The following LETM1 variants were observed in gnomAD, a reference collection of about 807,000 sequenced individuals.
The protein encoded by LETM1 is leucine zipper and EF-hand containing transmembrane protein 1, also known as mitochondrial proton/calcium exchanger protein.
Under a neutral mutation model 74.5 loss-of-function variants are expected in LETM1, and 50 were observed. The ratio of observed to expected loss-of-function variants is 0.67; its 90% CI spans 0.53 to 0.85. LETM1 has a LOEUF of 0.85. Among genes scored for constraint, LETM1 ranks in the 40% least tolerant of loss-of-function variants. The pLI, the probability that LETM1 is intolerant of heterozygous loss-of-function variation, is 0.00. For synonymous variants in LETM1, 446 were observed against 407.1 expected, an observed-to-expected ratio of 1.10 and a Z score of -1.15; for missense variants, 824 against 967.8, an observed-to-expected ratio of 0.85 and a Z score of 1.97.
At chr4:1,819,176 A>G (rs1412664152) in intron 11 of LETM1, among the ~76,000 whole-genome samples, 162 bp downstream of exon 11, 5 of 152,144 alleles carry the variant, frequency 3.3e-5, no homozygotes, top group African/African-American at 1.2e-4. Flanking sequence ...TGGCTGTGGA[A>G]AGGTTACTGA....
intron 1 of LETM1, among the ~76,000 whole-genome samples, chr4:1,851,417 C>T (rs916789570): frequency 1.3e-5 from 2 of 152,178 alleles, no homozygotes; most frequent in Non-Finnish European, 2.9e-5. Flanking sequence ...ACTGACCCTG[C>T]TCCTAGTGGA....
intron 13 of LETM1, among the ~76,000 whole-genome samples, chr4:1,815,383 C>A (rs1256564621): frequency 6.6e-6 from 1 of 152,242 alleles, no homozygotes; most frequent in Non-Finnish European, 1.5e-5. Context: ...ACCCCCCCGG[C>A]TCCCCAGTGC....
At position 1,836,545 on chromosome 4, in the gene LETM1, G is replaced by A. The variant is rs1712468150; in HGVS notation, c.622C>T (p.Arg208Cys). ...ACGAACACAAGGAACGGCACCAGGC[G>A]GAAGAGGTCAGCGCAGATCCGGAGA... ...QFLRICADLF[R>C]LVPFLVFVVV... is the part of the protein sequence containing the mutation. The change falls in exon 4 of 14, where the codon CGC becomes TGC. Residue 208 changes from arginine to cysteine, a missense_variant. By Grantham distance (180) the Arg-to-Cys change is radical (BLOSUM62 -3). Coordinates refer to ENST00000302787, the MANE Select transcript of LETM1 (RefSeq NM_012318.3). This position sits in a 1 kb window ranked among gnomAD's most constrained non-coding sequence, Gnocchi z 5.8. 1.3e-5 allele frequency: 21 copies of A among 1,613,824 alleles called. No homozygotes were observed. Among genetic ancestry groups the A allele is most frequent in the Middle Eastern group, 1.6e-4 (1 of 6,084 alleles).
chr4:1,856,056 C>G lies in LETM1; in HGVS notation c.-106G>C. 1 of 662,138 alleles carries G rather than the reference C, an allele frequency of 1.5e-6. No individual in the cohort carries two copies. Among genetic ancestry groups the G allele is most frequent in the Non-Finnish European group, 2.1e-6 (1 of 480,778 alleles). The allele number at this position is 662,138 out of a possible 1,614,324, so 41.0% of individuals were successfully genotyped here. A position where few individuals can be genotyped will look rare whatever the true frequency, so the allele number is the denominator to read the frequency against. ...GCGCTTCAGACCCGGCCCGCGCGGA[C>G]GGCTGACAGAGGCGGCTGGCCTCGG... On this transcript the variant is annotated 5_prime_UTR_variant, in exon 1 of 14. Coordinates refer to ENST00000302787, the MANE Select transcript of LETM1 (RefSeq NM_012318.3).
chr4:1,842,088 G>C (rs181431678), intron 2 of LETM1, among the ~76,000 whole-genome samples: 376 of 152,256 alleles, frequency 2.5e-3, no homozygotes, highest in African/African-American at 8.4e-3. Context: ...ATCAGCAAAG[G>C]CTGGATCCCT....
At chr4:1,815,998 AC>A (rs1015086116) in intron 12 of LETM1, among the ~76,000 whole-genome samples, 196 bp from the exon 13 acceptor site, 1 of 152,264 alleles carries the variant, frequency 6.6e-6, no homozygotes, top group Non-Finnish European at 1.5e-5. Flanking sequence ...CAGCGTGGAC[AC>A]AAACACAGAA....
At chr4:1,838,162 C>T (rs1006387544) in intron 3 of LETM1, among the ~76,000 whole-genome samples, 4 of 151,866 alleles carry the variant, frequency 2.6e-5, no homozygotes, top group Non-Finnish European at 5.9e-5. Context: ...GCAGTGGGCG[C>T]GATCTCGGCT....
At chr4:1,850,985 C>T (rs1347929434) in intron 1 of LETM1, among the ~76,000 whole-genome samples, 1 of 151,646 alleles carries the variant, frequency 6.6e-6, no homozygotes, top group African/African-American at 2.4e-5. Flanking sequence ...CAAGAGTAAG[C>T]CATTTCTTGT....
rs1185823187 is a variant in LETM1 at position 1,834,746 on chromosome 4, C to T, written c.876+99G>A. ...GTAAACTTTCAAGCGCCAGCCAGCACCTGGGGGAGCTCCACTCTGCTGAGC... is the reference window on the plus strand; with the variant it reads ...GTAAACTTTCAAGCGCCAGCCAGCATCTGGGGGAGCTCCACTCTGCTGAGC... On this transcript the variant is annotated intron_variant, in intron 5 of 13. Transcript: ENST00000302787. This position sits in a 1 kb window ranked among gnomAD's most constrained non-coding sequence, Gnocchi z 5.0. The T allele has an allele frequency of 7.7e-6, 12 of 1,548,990 alleles. No homozygotes were observed. The highest frequency in any genetic ancestry group is 1.0e-5 in the Non-Finnish European group (12 of 1,146,240).
Position 1,836,329 on chromosome 4 carries a change from G to C in LETM1, c.738+100C>G. The C allele has an allele frequency of 1.7e-6, 2 of 1,166,778 alleles. No individual in the cohort carries two copies. The highest frequency in any genetic ancestry group is 2.5e-6 in the Non-Finnish European group (2 of 790,960). The allele number at this position is 1,166,778 out of a possible 1,614,324, so 72.3% of individuals were successfully genotyped here. On this transcript the variant is annotated intron_variant, in intron 4 of 13. Transcript: ENST00000302787. This position sits in a 1 kb window ranked among gnomAD's most constrained non-coding sequence, Gnocchi z 5.8. ...CAAGGACAATATGAAGATACATAAA[G>C]TCTCAAAAATATCTAGCACCTGAAA...
chr4:1,827,959 G>A (rs1712062847), intron 6 of LETM1, among the ~76,000 whole-genome samples: 1 of 148,246 alleles, frequency 6.7e-6, no homozygotes, highest in Non-Finnish European at 1.5e-5. Flanking sequence ...GCGGCTGGCC[G>A]GGCAGAGGGG....
chr4:1,847,183 A>G (rs1712908514), intron 2 of LETM1, among the ~76,000 whole-genome samples: 1 of 152,024 alleles, frequency 6.6e-6, no homozygotes, highest in South Asian at 2.1e-4. Context: ...AATACCAAAA[A>G]GAAAAAAATT....
In LETM1 at chr4:1,841,408, G is replaced by A. The variant is rs765611500; in HGVS notation, c.533C>T (p.Ala178Val). ...FRLLWIDTKI[A>V]ARMLWRILNG... Reference sequence around the variant, plus strand: ...GAGGATGCGCCAGAGCATGCGTGCCGCGATCTTGGTGTCGATCCATAGCAG... The same window carrying A: ...GAGGATGCGCCAGAGCATGCGTGCCACGATCTTGGTGTCGATCCATAGCAG... Residue 178 changes from alanine (A) to valine (V), a missense_variant, in exon 3 of 14, where the codon GCG becomes GTG. Coordinates refer to ENST00000302787, the MANE Select transcript of LETM1 (RefSeq NM_012318.3). 1.9e-5 allele frequency: 30 copies of A among 1,614,060 alleles called. No individual in the cohort carries two copies. Among genetic ancestry groups the A allele is most frequent in the East Asian group, 1.1e-4 (5 of 44,904 alleles).
chr4:1,848,886 G>A (rs1316308458), intron 2 of LETM1, among the ~76,000 whole-genome samples: 1 of 152,096 alleles, frequency 6.6e-6, no homozygotes, highest in Non-Finnish European at 1.5e-5. Context: ...TTTAATTCCT[G>A]TTAGGGGACA....
At chr4:1,837,375 C>G (rs115941779) in intron 3 of LETM1, among the ~76,000 whole-genome samples, 48 of 152,320 alleles carry the variant, frequency 3.2e-4, no homozygotes, top group Non-Finnish European at 5.1e-4. Flanking sequence ...CCTAACTCTC[C>G]TATCTTGTCA....
intron 2 of LETM1, among the ~76,000 whole-genome samples, chr4:1,845,371 C>CA (rs1712845263): frequency 1.3e-5 from 2 of 151,892 alleles, no homozygotes; most frequent in Non-Finnish European, 2.9e-5. Flanking sequence ...TTTGGGAGGC[C>CA]GAGGTAGGTG....
chr4:1,829,065 C>T (rs1712152278), intron 6 of LETM1, among the ~76,000 whole-genome samples: 1 of 103,816 alleles, frequency 9.6e-6, no homozygotes, highest in African/African-American at 4.4e-5. Flanking sequence ...CCCTCCTGGA[C>T]GGGGCGGCTG....
At chr4:1,839,885 T>C (rs1320818543) in intron 3 of LETM1, among the ~76,000 whole-genome samples, 1 of 152,220 alleles carries the variant, frequency 6.6e-6, no homozygotes. Context: ...TCCCCGTACA[T>C]ACCTTGCCTT....
At chr4:1,823,839 C>A in intron 7 of LETM1, 64 bp from the exon 8 acceptor site, 1 of 1,529,480 alleles carries the variant, frequency 6.5e-7, no homozygotes, top group South Asian at 1.3e-5. Flanking sequence ...CACAGCAGGT[C>A]CGCCCATCTC....
Sources: allele counts gnomAD v4.1 joint callset (sites outside exome capture counted in the v4.1 genomes callset), GRCh38; gene constraint gnomAD v4.1.1; non-coding constraint Gnocchi (gnomAD v3.1); transcripts MANE v1.5; gene names NCBI Gene and HGNC (gene_info 2026-07-23, HGNC 2026-07-21).